The following TMEM218 variants were observed in gnomAD, a reference collection of about 807,000 sequenced individuals.
TMEM218 encodes the protein transmembrane protein 218.
Under a neutral mutation model 10.0 loss-of-function variants are expected in TMEM218, and 8 were observed. The observed-to-expected ratio is 0.80, with a 90% CI of 0.47 to 1.44. TMEM218 has a LOEUF of 1.44. Among genes scored for constraint, TMEM218 ranks in the 40% most tolerant of loss-of-function variants. The pLI, the probability that TMEM218 is intolerant of heterozygous loss-of-function variation, is 0.00. For missense variants in TMEM218, 110 were observed against 140.1 expected, an observed-to-expected ratio of 0.79 and a Z score of 1.08; for synonymous variants, 66 against 63.5, an observed-to-expected ratio of 1.04 and a Z score of -0.18.
At chr11:125,110,190 GTACAA>G (rs1953451924) in intron 1 of TMEM218, among the ~76,000 whole-genome samples, 1 of 151,672 alleles carries the variant, frequency 6.6e-6, no homozygotes, top group African/African-American at 2.4e-5. Context: ...TTGTTATTGA[GTACAA>G]TACAATAAAA....
In TMEM218 at chr11:125,108,563, G is replaced by T. The variant is rs1952846032; in HGVS notation, c.-153+2976C>A. On this transcript the variant is annotated intron_variant, in intron 1 of 4. Transcript: ENST00000682305. This position sits in a 1 kb window ranked among gnomAD's most constrained non-coding sequence, Gnocchi z 5.3. Reference sequence around the variant, plus strand: ...AAAGCTTCAAATGCAGACTATGCAGGTGTGTTGTTCTGGCAACTCAAATAC... The same window carrying T: ...AAAGCTTCAAATGCAGACTATGCAGTTGTGTTGTTCTGGCAACTCAAATAC... Among the ~76,000 whole-genome samples, 2 of 152,174 alleles carry T rather than the reference G, an allele frequency of 1.3e-5. No homozygotes were observed. Among genetic ancestry groups the T allele is most frequent in the Admixed American group, 6.5e-5 (1 of 15,280 alleles).
At chr11:125,110,483 C>T (rs1953551300) in intron 1 of TMEM218, 1 of 152,210 alleles carries the variant, frequency 6.6e-6, no homozygotes, top group Non-Finnish European at 1.5e-5. Context: ...ATGGTTGTTT[C>T]TACATACCCT....
At chr11:125,103,337 AACC>A (rs1951316168) in intron 1 of TMEM218, 1 of 152,462 alleles carries the variant, frequency 6.6e-6, no homozygotes, top group Admixed American at 6.5e-5. Context: ...TTCATCCGGA[AACC>A]ACCCCCCTGC....
chr11:125,096,667 C>G lies in TMEM218; in HGVS notation c.*939G>C, dbSNP rs1051206898. 8.5e-5 allele frequency: 13 copies of G among 152,184 alleles called. No homozygotes were observed. The highest frequency in any genetic ancestry group is 3.1e-4 in the African/African-American group (13 of 41,442). 9.4% of individuals were successfully genotyped at this position (152,184 alleles called of 1,614,324 possible). On this transcript the variant is annotated 3_prime_UTR_variant, in exon 5 of 5. Transcript: ENST00000682305. The stretch of plus-strand genomic sequence containing the variant: ...AGCCAGAAGATTCTTTTTCAAATGG[C>G]TCTAGGGAGTCAGGATCAGACTTCC...
At chr11:125,098,250 G>A (rs924415456) in intron 4 of TMEM218, among the ~76,000 whole-genome samples, 9 of 152,192 alleles carry the variant, frequency 5.9e-5, no homozygotes, top group Non-Finnish European at 8.8e-5. Flanking sequence ...AGCTATCAGC[G>A]GAAGAGTCCC....
In TMEM218 at chr11:125,097,298, G is replaced by GT. The variant is rs1473899318; in HGVS notation, c.*307dup. On this transcript the variant is annotated 3_prime_UTR_variant, in exon 5 of 5. Transcript: ENST00000682305. ...CAAAATCCACTTACTAAGGACTTGA[G>GT]TGAAAATCCACTCTAAGCAGATCAC... 4.8e-6 allele frequency: 1 copy of GT among 208,334 alleles called. No homozygotes were observed. Among genetic ancestry groups the GT allele is most frequent in the African/African-American group, 2.3e-5 (1 of 43,692 alleles). 12.9% of individuals were successfully genotyped at this position (208,334 alleles called of 1,614,324 possible). A position where few individuals can be genotyped will look rare whatever the true frequency, so the allele number is the denominator to read the frequency against.
At chr11:125,103,082 G>T (rs1951207807) in intron 1 of TMEM218, 2 of 180,088 alleles carry the variant, frequency 1.1e-5, no homozygotes, top group Non-Finnish European at 2.3e-5. Context: ...CTAGGGCAGG[G>T]GTCCCCAACC....
intron 1 of TMEM218, chr11:125,105,081 A>C (rs187201284): frequency 6.0e-4 from 91 of 152,326 alleles, no homozygotes; most frequent in African/African-American, 2.1e-3. Context: ...AGGATTGACC[A>C]GTTTTTGAAA....
Position 125,095,484 on chromosome 11 carries a change from C to T in TMEM218, c.*2122G>A, listed in dbSNP as rs749554255. On this transcript the variant is annotated 3_prime_UTR_variant, in exon 5 of 5. Coordinates refer to ENST00000682305, the MANE Select transcript of TMEM218 (RefSeq NM_001258244.2). ...CCTCTCAGCCTTCTACGTCTTATCC[C>T]AACCCTGCGGGGCTTTTTTTGCATA... Among the ~76,000 whole-genome samples the T allele has an allele frequency of 4.6e-5, 7 of 152,196 alleles. No homozygotes were observed. Among genetic ancestry groups the T allele is most frequent in the Non-Finnish European group, 8.8e-5 (6 of 68,040 alleles).
At chr11:125,098,394 C>T (rs1307565285) in intron 4 of TMEM218, among the ~76,000 whole-genome samples, 1 of 152,210 alleles carries the variant, frequency 6.6e-6, no homozygotes, top group South Asian at 2.1e-4. Flanking sequence ...TCTTTGCTGA[C>T]AAAACCCTAT....
chr11:125,103,963 T>TAAAG (rs150771123), intron 1 of TMEM218: 71 of 152,362 alleles, frequency 4.7e-4, no homozygotes, highest in African/African-American at 1.7e-3. Context: ...TCCCACCATG[T>TAAAG]AAAGCACTGC....
At chr11:125,101,541 G>A in intron 3 of TMEM218, 1 of 1,472,282 alleles carries the variant, frequency 6.8e-7, no homozygotes, top group Non-Finnish European at 9.0e-7. Context: ...GAAATGTGTA[G>A]TTTTTATTTT....
At chr11:125,109,541 G>A (rs1184147344) in intron 1 of TMEM218, among the ~76,000 whole-genome samples, 1 of 152,246 alleles carries the variant, frequency 6.6e-6, no homozygotes, top group African/African-American at 2.4e-5. Flanking sequence ...ACTACCCAAT[G>A]TACTATTTTC....
At chr11:125,099,312 G>C (rs1449233380) in intron 4 of TMEM218, among the ~76,000 whole-genome samples, 1 of 152,168 alleles carries the variant, frequency 6.6e-6, no homozygotes, top group Non-Finnish European at 1.5e-5. Context: ...TTGCTCGTTC[G>C]ACACGTTTCA....
intron 1 of TMEM218, among the ~76,000 whole-genome samples, chr11:125,109,997 T>C (rs1331755586): frequency 6.6e-6 from 1 of 152,232 alleles, no homozygotes; most frequent in Non-Finnish European, 1.5e-5. Context: ...CCAAGCTCTT[T>C]TAAGAATGGA....
At position 125,102,173 on chromosome 11, in the gene TMEM218, C is replaced by T; in HGVS notation, c.69G>A (p.Leu23=). ...FILALLWVAV[L]LLCVLLSRAS... is the part of the protein sequence containing the mutation. ...CTCTGGACAGCAGCACACACAGCAG[C>T]AGCACTGCCACCCAGAGCAGGGCTA... Residue 23 remains leucine (L), a synonymous_variant, in exon 3 of 5, where the codon CTG becomes CTA. Coordinates refer to ENST00000682305, the MANE Select transcript of TMEM218 (RefSeq NM_001258244.2). 1 of 1,610,018 alleles carries T rather than the reference C, an allele frequency of 6.2e-7. No individual in the cohort carries two copies. Among genetic ancestry groups the T allele is most frequent in the Non-Finnish European group, 8.5e-7 (1 of 1,178,348 alleles).
At chr11:125,109,734 C>T (rs1346218115) in intron 1 of TMEM218, among the ~76,000 whole-genome samples, 2 of 152,182 alleles carry the variant, frequency 1.3e-5, no homozygotes, top group Non-Finnish European at 2.9e-5. Context: ...AAGTTTCTAG[C>T]TTAGTTGACT....
chr11:125,102,430 T>A (rs370814125), intron 2 of TMEM218, 113 bp from the exon 3 acceptor site: 15 of 1,495,794 alleles, frequency 1.0e-5, no homozygotes, highest in Non-Finnish European at 1.3e-5. Context: ...TTTTCAGAAA[T>A]GTCCAGTCCC....
chr11:125,109,401 G>GAT lies in TMEM218; in HGVS notation c.-153+2137_-153+2138insAT, dbSNP rs1380126670. On this transcript the variant is annotated intron_variant, in intron 1 of 4. Transcript: ENST00000682305. Reference sequence around the variant, plus strand: ...GCAGAGGGAGGAAGGAAAGGGAATGGGGTTAGGAGTGGAAATAAAAGGGAT... The same window carrying GAT: ...GCAGAGGGAGGAAGGAAAGGGAATGGATGGTTAGGAGTGGAAATAAAAGGGAT... 2.0e-5 allele frequency among the ~76,000 whole-genome samples: 3 copies of GAT among 152,252 alleles called. No homozygotes were observed. In the East Asian group the frequency reaches 5.8e-4, roughly 29 times the overall value.
Sources: gnomAD v4.1 joint callset for allele counts (sites outside exome capture counted in the v4.1 genomes callset) on GRCh38, gnomAD v4.1.1 for gene constraint, Gnocchi (gnomAD v3.1) non-coding constraint, MANE v1.5 for transcripts, NCBI Gene and HGNC (gene_info 2026-07-23, HGNC 2026-07-21) for gene names.